Variants in NRCAM observed in about 807,000 individuals in gnomAD.
NRCAM encodes the protein NgCAM-related cell adhesion molecule.
A neutral mutation model predicts 156.5 loss-of-function variants in NRCAM; 83 were observed. The ratio of observed to expected loss-of-function variants is 0.53; its 90% CI spans 0.44 to 0.64. The LOEUF is 0.64. NRCAM is among the 30% of genes least tolerant of loss of function. The pLI is 0.00. For synonymous variants in NRCAM, 538 were observed against 563.9 expected, an observed-to-expected ratio of 0.95 and a Z score of 0.65; for missense variants, 1,417 against 1,597.3, an observed-to-expected ratio of 0.89 and a Z score of 1.92.
At position 108,426,447 on chromosome 7, in the gene NRCAM, G is replaced by T. The variant is rs1357189723; in HGVS notation, c.-331-26854C>A. ...TTCATAAAGCATTCAAATGCCTAAT[G>T]CCCATAGGGAAATCCATTTTACTCT... is the stretch of plus-strand genomic sequence containing the variant. On this transcript the variant is annotated intron_variant, in intron 1 of 32. Coordinates refer to ENST00000379028, the MANE Select transcript of NRCAM (RefSeq NM_001037132.4). Among the ~76,000 whole-genome samples the T allele has an allele frequency of 2.0e-5, 3 of 152,198 alleles. No individual in the cohort carries two copies. In the South Asian group the frequency reaches 6.2e-4, roughly 32 times the overall value.
chr7:108,286,491 AAGG>A (rs1212321310), intron 3 of NRCAM, among the ~76,000 whole-genome samples: 1 of 152,200 alleles, frequency 6.6e-6, no homozygotes, highest in Non-Finnish European at 1.5e-5. Flanking sequence ...AAAAAAAAGG[AAGG>A]AGGTGGAAGA....
At chr7:108,281,218 A>T (rs1195774298) in intron 3 of NRCAM, among the ~76,000 whole-genome samples, 1 of 152,202 alleles carries the variant, frequency 6.6e-6, no homozygotes, top group Non-Finnish European at 1.5e-5. Flanking sequence ...GTCTTCAATT[A>T]TATAGTTGTT....
intron 2 of NRCAM, among the ~76,000 whole-genome samples, chr7:108,329,171 T>TC (rs1172430848): frequency 6.6e-6 from 1 of 152,194 alleles, no homozygotes; most frequent in Non-Finnish European, 1.5e-5. Context: ...TCATGAGTAT[T>TC]CACCCATCCA....
chr7:108,382,824 A>C (rs1232571562), intron 2 of NRCAM, among the ~76,000 whole-genome samples: 1 of 152,112 alleles, frequency 6.6e-6, no homozygotes. Flanking sequence ...AATTACCCCC[A>C]AATTACCCAC....
chr7:108,391,581 G>A lies in NRCAM; in HGVS notation c.-174+7855C>T, dbSNP rs1163538618. 1.1e-4 allele frequency among the ~76,000 whole-genome samples: 16 copies of A among 152,096 alleles called. No individual in the cohort carries two copies. The South Asian group carries it at 2.9e-3, about 28-fold the overall frequency. On this transcript the variant is annotated intron_variant, in intron 2 of 32. Coordinates refer to ENST00000379028, the MANE Select transcript of NRCAM (RefSeq NM_001037132.4). ...AGCATTTAGCCCATTTACATTTAAG[G>A]TTAATATTGTTATGTGTGAATTTGA...
At chr7:108,446,658 C>G (rs959590152) in intron 1 of NRCAM, among the ~76,000 whole-genome samples, 3 of 152,050 alleles carry the variant, frequency 2.0e-5, no homozygotes, top group Admixed American at 2.0e-4. Context: ...AGACTCGGCC[C>G]CTCAATGTTA....
chr7:108,268,831 C>G (rs2154030687), intron 3 of NRCAM, among the ~76,000 whole-genome samples: 1 of 152,278 alleles, frequency 6.6e-6, no homozygotes, highest in Middle Eastern at 3.4e-3. Context: ...GGTTCAATAC[C>G]TGAAACAGTA....
At chr7:108,345,155 T>C (rs1374947701) in intron 2 of NRCAM, among the ~76,000 whole-genome samples, 1 of 152,204 alleles carries the variant, frequency 6.6e-6, no homozygotes, top group Admixed American at 6.5e-5. Context: ...CTGTGTATAT[T>C]ATATATGGAC....
intron 2 of NRCAM, among the ~76,000 whole-genome samples, chr7:108,314,246 T>C (rs2098847349): frequency 1.3e-5 from 2 of 152,320 alleles, no homozygotes; most frequent in African/African-American, 4.8e-5. Flanking sequence ...ATGTCAGCAA[T>C]TATGCCCAAC....
At chr7:108,196,242 T>G (rs2075001640) in intron 14 of NRCAM, among the ~76,000 whole-genome samples, 1 of 151,958 alleles carries the variant, frequency 6.6e-6, no homozygotes, top group Non-Finnish European at 1.5e-5. Context: ...GTAGGAACGG[T>G]GGGGAACACA....
intron 1 of NRCAM, among the ~76,000 whole-genome samples, chr7:108,455,125 C>T (rs1209649369): frequency 6.6e-6 from 1 of 152,166 alleles, no homozygotes; most frequent in Admixed American, 6.5e-5. Flanking sequence ...CCCGGGGAGC[C>T]CTCCAGCAGC....
At chr7:108,297,871 G>C (rs998778504) in intron 3 of NRCAM, among the ~76,000 whole-genome samples, 1 of 152,176 alleles carries the variant, frequency 6.6e-6, no homozygotes, top group Non-Finnish European at 1.5e-5. Context: ...ACCAGAAAAT[G>C]ATATCTGAGC....
At chr7:108,350,600 T>C (rs1194780415) in intron 2 of NRCAM, among the ~76,000 whole-genome samples, 2 of 152,212 alleles carry the variant, frequency 1.3e-5, no homozygotes, top group Non-Finnish European at 2.9e-5. Context: ...TTACCTTTCA[T>C]TATTTTGCCC....
At chr7:108,152,302 G>A (rs545028551) in intron 32 of NRCAM, among the ~76,000 whole-genome samples, 21 of 151,920 alleles carry the variant, frequency 1.4e-4, no homozygotes, top group Non-Finnish European at 2.8e-4. Flanking sequence ...AGTTAGCAAG[G>A]TGAATAGTTG....
intron 3 of NRCAM, among the ~76,000 whole-genome samples, chr7:108,304,358 C>T (rs1413471752): frequency 6.6e-6 from 1 of 151,252 alleles, no homozygotes; most frequent in African/African-American, 2.4e-5. Context: ...GCCTCTACAA[C>T]ACATTTAACC....
intron 3 of NRCAM, among the ~76,000 whole-genome samples, chr7:108,300,965 G>C (rs1296464526): frequency 2.0e-5 from 3 of 151,468 alleles, no homozygotes; most frequent in Non-Finnish European, 4.4e-5. Flanking sequence ...TCAAATTTTT[G>C]TTAAAAATAG....
At chr7:108,419,405 T>C (rs1318854905) in intron 1 of NRCAM, among the ~76,000 whole-genome samples, 1 of 152,206 alleles carries the variant, frequency 6.6e-6, no homozygotes. Flanking sequence ...ACCTCACTTC[T>C]TTCCTGTTTA....
chr7:108,240,102 CT>C lies in NRCAM; in HGVS notation c.-39del, dbSNP rs762643649. 9 of 1,410,370 alleles carry C rather than the reference CT, an allele frequency of 6.4e-6. No homozygotes were observed. Among genetic ancestry groups the C allele is most frequent in the South Asian group, 6.0e-5 (5 of 83,288 alleles). 87.4% of individuals were successfully genotyped at this position (1,410,370 alleles called of 1,614,324 possible). ...TGCTGAGACTCACACACTGAATTTC[CT>C]TTTCTTCTTTCACAAAAGATTTTGT... On this transcript the variant is annotated 5_prime_UTR_variant, in exon 4 of 33. Coordinates refer to ENST00000379028, the MANE Select transcript of NRCAM (RefSeq NM_001037132.4).
At chr7:108,340,226 G>C (rs937752049) in intron 2 of NRCAM, among the ~76,000 whole-genome samples, 1 of 152,148 alleles carries the variant, frequency 6.6e-6, no homozygotes, top group Non-Finnish European at 1.5e-5. Flanking sequence ...GGTAAATAAT[G>C]AACCAAAGAG....
Sources: gnomAD v4.1 joint callset for allele counts (sites outside exome capture counted in the v4.1 genomes callset) on GRCh38, gnomAD v4.1.1 for gene constraint, MANE v1.5 for transcripts, NCBI Gene and HGNC (gene_info 2026-07-23, HGNC 2026-07-21) for gene names.